The following CNTNAP3B variants were observed in gnomAD, a reference collection of about 807,000 sequenced individuals.
The protein encoded by CNTNAP3B is contactin associated protein family member 3B.
CNTNAP3B carries 25 observed loss-of-function variants against 108.9 expected under a neutral mutation model. The ratio of observed to expected loss-of-function variants is 0.23; its 90% CI spans 0.17 to 0.32. CNTNAP3B has a LOEUF of 0.32. Ranked by LOEUF, CNTNAP3B falls within the 10% of genes least tolerant of loss-of-function variation. CNTNAP3B has a pLI of 1.00. For missense variants in CNTNAP3B, 252 were observed against 1,210.4 expected (o/e 0.21, Z 11.75); for synonymous variants, 103 against 473.4 (o/e 0.22, Z 10.16).
rs867059701 is a variant in CNTNAP3B at position 42,125,680 on chromosome 9, T to G, written c.85+3330A>C. ...TACATTTTTTGTTTTTTTTTTTTTGTTTTTTTTTGAGACAGAGTCTCACTC... is the reference window on the plus strand; with the variant it reads ...TACATTTTTTGTTTTTTTTTTTTTGGTTTTTTTTGAGACAGAGTCTCACTC... On this transcript the variant is annotated intron_variant, in intron 1 of 23. Coordinates refer to ENST00000377561, the MANE Select transcript of CNTNAP3B (RefSeq NM_001201380.3). Among the ~76,000 whole-genome samples the G allele has an allele frequency of 5.5e-5, 7 of 127,560 alleles. 1 individual carries two copies. In the South Asian group the frequency reaches 1.3e-3, roughly 23 times the overall value. The allele number at this position is 127,560 out of a possible 152,430, so 83.7% of individuals were successfully genotyped here.
At chr9:41,988,575 G>A (rs1277516958) in intron 8 of CNTNAP3B, among the ~76,000 whole-genome samples, 4 of 148,242 alleles carry the variant, frequency 2.7e-5, no homozygotes, top group Admixed American at 6.8e-5. Flanking sequence ...TTACCACCCT[G>A]TGAATTGTAG....
chr9:42,003,079 G>A lies in CNTNAP3B; in HGVS notation c.539-4475C>T, dbSNP rs1826033044. 2.2e-5 allele frequency among the ~76,000 whole-genome samples: 3 copies of A among 134,004 alleles called. 1 individual carries two copies. The South Asian group carries it at 7.4e-4, about 33-fold the overall frequency. The allele number at this position is 134,004 out of a possible 152,430, so 87.9% of individuals were successfully genotyped here. A position where few individuals can be genotyped will look rare whatever the true frequency, so the allele number is the denominator to read the frequency against. On this transcript the variant is annotated intron_variant, in intron 4 of 23. Coordinates refer to ENST00000377561, the MANE Select transcript of CNTNAP3B (RefSeq NM_001201380.3). ...TTTTTTACTTTTTTTCTAGAGATGG[G>A]GGTCTCACTATGATGCCAAGGCTGG...
chr9:41,953,265 C>A lies in CNTNAP3B; in HGVS notation c.1998G>T (p.Leu666=), dbSNP rs1266398079. The change falls in exon 13 of 24, where the codon CTG becomes CTT. Residue 666 remains leucine (L), a synonymous_variant. Transcript: ENST00000377561. The part of the protein sequence containing the change: ...SFAYAAGAGQ[L]RAAVNLAERC... Reference sequence around the variant, plus strand: ...GCTCCGCCAGGTTCACCGCGGCCCGCAGCTGCCCCGCGCCCGCTGCGTACG... The same window carrying A: ...GCTCCGCCAGGTTCACCGCGGCCCGAAGCTGCCCCGCGCCCGCTGCGTACG... 6.5e-7 allele frequency: 1 copy of A among 1,527,780 alleles called. No homozygotes were observed. Among genetic ancestry groups the A allele is most frequent in the African/African-American group, 1.4e-5 (1 of 72,204 alleles). The allele number at this position is 1,527,780 out of a possible 1,614,324, so 94.6% of individuals were successfully genotyped here.
intron 10 of CNTNAP3B, among the ~76,000 whole-genome samples, chr9:41,965,018 G>A (rs1269914030): frequency 6.6e-6 from 1 of 152,280 alleles, no homozygotes; most frequent in Non-Finnish European, 1.5e-5. Flanking sequence ...AAACAGGGAG[G>A]AAGATACAGA....
At position 42,029,640 on chromosome 9, in the gene CNTNAP3B, C is replaced by T. The variant is rs1826476612; in HGVS notation, c.391-16115G>A. On this transcript the variant is annotated intron_variant, in intron 3 of 23. Transcript: ENST00000377561. ...CTGCCTCCTGGGTTCAGGAGATTCT[C>T]CTGCCTCAGCCTCCTGAGTAGCTAG... is the stretch of plus-strand genomic sequence containing the variant. Among the ~76,000 whole-genome samples, 2 of 123,432 alleles carry T rather than the reference C, an allele frequency of 1.6e-5. 1 individual carries two copies. The highest frequency in any genetic ancestry group is 5.4e-4 in the South Asian group (2 of 3,704). 81.0% of individuals were successfully genotyped at this position (123,432 alleles called of 152,430 possible).
intron 2 of CNTNAP3B, among the ~76,000 whole-genome samples, chr9:42,089,123 A>C: frequency 1.4e-5 from 1 of 73,368 alleles, no homozygotes; most frequent in African/African-American, 5.2e-5. Context: ...GACAAGGGTA[A>C]TCCCAGCTGT....
chr9:42,002,923 G>A lies in CNTNAP3B; in HGVS notation c.539-4319C>T, dbSNP rs1007559610. ...TTTATTAGAAACAGAGACTCACTCC[G>A]TTGCCCATGCTGTAGTGCAGTGGTA... is the stretch of plus-strand genomic sequence containing the variant. On this transcript the variant is annotated intron_variant, in intron 4 of 23. Coordinates refer to ENST00000377561, the MANE Select transcript of CNTNAP3B (RefSeq NM_001201380.3). 2.7e-4 allele frequency among the ~76,000 whole-genome samples: 34 copies of A among 128,162 alleles called. 3 individuals carry two copies. The highest frequency in any genetic ancestry group is 7.8e-4 in the South Asian group (3 of 3,862). 84.1% of individuals were successfully genotyped at this position (128,162 alleles called of 152,430 possible). A position where few individuals can be genotyped will look rare whatever the true frequency, so the allele number is the denominator to read the frequency against.
chr9:42,086,773 C>A (rs1827713961), intron 2 of CNTNAP3B, among the ~76,000 whole-genome samples: 4 of 113,500 alleles, frequency 3.5e-5, no homozygotes, highest in Admixed American at 9.5e-5. Flanking sequence ...TTAGAGTGGA[C>A]ATACATTTTT....
At chr9:41,953,462 T>C in intron 12 of CNTNAP3B, 76 bp from the exon 13 acceptor site, 1 of 1,511,778 alleles carries the variant, frequency 6.6e-7, no homozygotes, top group Non-Finnish European at 8.9e-7. Context: ...AGACCTTTTA[T>C]GTGAATTAAC....
At position 42,062,845 on chromosome 9, in the gene CNTNAP3B, C is replaced by T. The variant is rs1208711778; in HGVS notation, c.390+14024G>A. 6.3e-5 allele frequency among the ~76,000 whole-genome samples: 6 copies of T among 94,906 alleles called. 3 individuals carry two copies. The highest frequency in any genetic ancestry group is 1.2e-3 in the East Asian group (2 of 1,668). 62.3% of individuals were successfully genotyped at this position (94,906 alleles called of 152,430 possible). A position where few individuals can be genotyped will look rare whatever the true frequency, so the allele number is the denominator to read the frequency against. On this transcript the variant is annotated intron_variant, in intron 3 of 23. Transcript: ENST00000377561. ...TTTTTGCTTTGTGGTTACCAGGAGG[C>T]TGACATAAAATATCTTATAGTTGCA...
rs1376240489 is a variant in CNTNAP3B at position 42,112,920 on chromosome 9, A to AT, written c.86-8182dup. 8.7e-5 allele frequency among the ~76,000 whole-genome samples: 11 copies of AT among 127,114 alleles called. 1 individual carries two copies. The highest frequency in any genetic ancestry group is 2.6e-4 in the South Asian group (1 of 3,852). The allele number at this position is 127,114 out of a possible 152,430, so 83.4% of individuals were successfully genotyped here. On this transcript the variant is annotated intron_variant, in intron 1 of 23. Coordinates refer to ENST00000377561, the MANE Select transcript of CNTNAP3B (RefSeq NM_001201380.3). ...AGCCTCGCCCTGTCGCCCAGGCTAA[A>AT]TTTTTTTTGTATTTTTAGTAGACAC... is the stretch of plus-strand genomic sequence containing the variant.
intron 13 of CNTNAP3B, among the ~76,000 whole-genome samples, chr9:41,939,599 C>T (rs1390696877): frequency 3.9e-5 from 6 of 152,268 alleles, no homozygotes; most frequent in African/African-American, 1.2e-4. Context: ...GTCACTACAA[C>T]GTAAAAGATA....
rs1265515593 is a variant in CNTNAP3B at position 41,953,094 on chromosome 9, C to T, written c.2080+89G>A. On this transcript the variant is annotated intron_variant, in intron 13 of 23. Transcript: ENST00000377561. ...TGAACTAAGAGCCACGGGAGGGACC[C>T]TGGCCTTTTCTCCCTCAAAGGCATC... The T allele has an allele frequency of 2.0e-5, 27 of 1,323,052 alleles. No individual in the cohort carries two copies. The Admixed American group carries it at 2.8e-4, about 13-fold the overall frequency. 82.0% of individuals were successfully genotyped at this position (1,323,052 alleles called of 1,614,324 possible).
chr9:41,933,337 G>A (rs879771985), intron 14 of CNTNAP3B, among the ~76,000 whole-genome samples: 33 of 152,382 alleles, frequency 2.2e-4, no homozygotes, highest in Non-Finnish European at 4.6e-4. Context: ...AATGTCTTCA[G>A]ACAATGCCAA....
intron 10 of CNTNAP3B, among the ~76,000 whole-genome samples, chr9:41,969,530 G>A (rs1825380484): frequency 6.7e-6 from 1 of 148,690 alleles, no homozygotes; most frequent in East Asian, 2.0e-4. Flanking sequence ...GAGCAACTCG[G>A]GATCATATTA....
chr9:42,035,421 A>G (rs991529155), intron 3 of CNTNAP3B, among the ~76,000 whole-genome samples: 4 of 146,026 alleles, frequency 2.7e-5, no homozygotes, highest in Admixed American at 2.7e-4. Context: ...GATCTGCCTA[A>G]CCTCAGGTTC....
chr9:41,965,307 C>T (rs1442874705), intron 10 of CNTNAP3B, among the ~76,000 whole-genome samples: 2 of 152,164 alleles, frequency 1.3e-5, no homozygotes, highest in Admixed American at 6.5e-5. Flanking sequence ...CCTGAACCAG[C>T]CAATGTTGAA....
At chr9:41,963,895 T>C (rs1322496343) in intron 11 of CNTNAP3B, among the ~76,000 whole-genome samples, 3 of 152,308 alleles carry the variant, frequency 2.0e-5, no homozygotes, top group Non-Finnish European at 2.9e-5. Flanking sequence ...AGTTAATATA[T>C]GCAAAGCAAT....
intron 3 of CNTNAP3B, among the ~76,000 whole-genome samples, chr9:42,057,361 C>A (rs1286451943): frequency 1.2e-5 from 1 of 82,552 alleles, no homozygotes; most frequent in Non-Finnish European, 2.4e-5. Flanking sequence ...CACGCCACCA[C>A]ACCCAGCTAA....
Sources: gnomAD v4.1 joint callset for allele counts (sites outside exome capture counted in the v4.1 genomes callset) on GRCh38, gnomAD v4.1.1 for gene constraint, MANE v1.5 for transcripts, NCBI Gene and HGNC (gene_info 2026-07-23, HGNC 2026-07-21) for gene names.